RALYL: variants seen among roughly 807,000 people sequenced by gnomAD.
RALYL encodes RNA-binding Raly-like protein.
RALYL carries 29 observed loss-of-function variants against 35.1 expected under a neutral mutation model. The observed-to-expected ratio is 0.83, with a 90% CI of 0.61 to 1.13. The LOEUF is 1.13. RALYL is among the 50% of genes most tolerant of loss of function. The pLI is 0.00. For synonymous variants in RALYL, 120 were observed against 127.6 expected (o/e 0.94, Z 0.40); for missense variants, 359 against 360.4 (o/e 1.00, Z 0.03).
At chr8:84,728,473 G>T (rs565845753) in intron 2 of RALYL, among the ~76,000 whole-genome samples, 1 of 151,550 alleles carries the variant, frequency 6.6e-6, no homozygotes, top group African/African-American at 2.4e-5. Context: ...AAGCTCTTTA[G>T]TTTAATTAGA....
chr8:84,192,225 A>G (rs768254615), intron 1 of RALYL, among the ~76,000 whole-genome samples: 51 of 152,214 alleles, frequency 3.4e-4, no homozygotes, highest in Non-Finnish European at 5.4e-4. Context: ...CAGAGAAAGG[A>G]CCAGTTAAAC....
intron 1 of RALYL, among the ~76,000 whole-genome samples, chr8:84,490,132 G>A (rs1278477355): frequency 6.7e-6 from 1 of 149,778 alleles, no homozygotes; most frequent in Non-Finnish European, 1.5e-5. Flanking sequence ...GAGTGGGGAG[G>A]GAATAATTTT....
chr8:84,792,978 T>G (rs1265903563), intron 3 of RALYL, among the ~76,000 whole-genome samples: 2 of 152,168 alleles, frequency 1.3e-5, no homozygotes, highest in African/African-American at 2.4e-5. Flanking sequence ...CAGAGATGTC[T>G]CCAAGGTTTT....
At chr8:84,817,492 C>CTGAG (rs1827606468) in intron 4 of RALYL, among the ~76,000 whole-genome samples, 1 of 151,286 alleles carries the variant, frequency 6.6e-6, no homozygotes, top group South Asian at 2.1e-4. Context: ...TTTAACTTTC[C>CTGAG]TGAGTCTCCA....
chr8:84,918,123 A>G (rs1848761955), intron 8 of RALYL, among the ~76,000 whole-genome samples: 1 of 152,016 alleles, frequency 6.6e-6, no homozygotes, highest in South Asian at 2.1e-4. Context: ...GCTCCCTAAA[A>G]ATACAGATGA....
chr8:84,595,562 A>C (rs767686812), intron 2 of RALYL, among the ~76,000 whole-genome samples: 6 of 152,110 alleles, frequency 3.9e-5, no homozygotes, highest in Non-Finnish European at 8.8e-5. Flanking sequence ...TTAGTTTTTA[A>C]AAGTGTGAAT....
At chr8:84,322,222 C>T (rs73306962) in intron 1 of RALYL, among the ~76,000 whole-genome samples, 6,971 of 152,126 alleles carry the variant, frequency 0.046, 526 homozygotes, top group African/African-American at 0.15. Context: ...ACATTATTCT[C>T]AAGCTCACAT....
chr8:84,782,401 G>T (rs1357318598), intron 3 of RALYL, among the ~76,000 whole-genome samples: 1 of 152,156 alleles, frequency 6.6e-6, no homozygotes, highest in Non-Finnish European at 1.5e-5. Flanking sequence ...CTCTTTCTTT[G>T]AGGTAGGGAG....
chr8:84,314,850 T>C (rs1041228866), intron 1 of RALYL, among the ~76,000 whole-genome samples: 3 of 152,172 alleles, frequency 2.0e-5, no homozygotes, highest in Non-Finnish European at 2.9e-5. Context: ...TATAAATTGA[T>C]ATGAAAAAGA....
chr8:84,424,854 G>T, intron 1 of RALYL, among the ~76,000 whole-genome samples: 1 of 151,910 alleles, frequency 6.6e-6, no homozygotes. Context: ...CTCCCAGTTA[G>T]GCTGCTCGGG....
chr8:84,841,017 C>G (rs1388080207), intron 4 of RALYL, among the ~76,000 whole-genome samples: 4 of 152,176 alleles, frequency 2.6e-5, no homozygotes, highest in African/African-American at 9.7e-5. Flanking sequence ...AAAAACATGT[C>G]AAATTGTAAA....
intron 2 of RALYL, among the ~76,000 whole-genome samples, chr8:84,737,941 T>A (rs1202370795): frequency 6.6e-6 from 1 of 152,016 alleles, no homozygotes; most frequent in East Asian, 1.9e-4. Flanking sequence ...TTCTGTTGTT[T>A]ATGAGCCACC....
intron 1 of RALYL, among the ~76,000 whole-genome samples, chr8:84,449,082 T>TG (rs1030041984): frequency 4.5e-4 from 68 of 151,266 alleles, no homozygotes; most frequent in African/African-American, 7.0e-4. Flanking sequence ...TTTTTTGTTT[T>TG]TTTTTTTTTT....
At chr8:84,761,432 TTAAA>T (rs1487952624) in intron 2 of RALYL, among the ~76,000 whole-genome samples, 1 of 152,098 alleles carries the variant, frequency 6.6e-6, no homozygotes, top group Non-Finnish European at 1.5e-5. Flanking sequence ...TAATTACACT[TTAAA>T]TATGTTTATT....
At chr8:84,683,438 G>C (rs1417111279) in intron 2 of RALYL, among the ~76,000 whole-genome samples, 1 of 152,062 alleles carries the variant, frequency 6.6e-6, no homozygotes, top group East Asian at 1.9e-4. Flanking sequence ...TGTTGACAGT[G>C]GGGTGTTAAA....
chr8:84,200,871 A>C (rs1816675621), intron 1 of RALYL, among the ~76,000 whole-genome samples: 1 of 152,332 alleles, frequency 6.6e-6, no homozygotes, highest in Middle Eastern at 3.4e-3. Flanking sequence ...AACTATGAGT[A>C]TATTGTTTAC....
At chr8:84,855,281 G>A (rs1836737859) in intron 5 of RALYL, among the ~76,000 whole-genome samples, 1 of 151,898 alleles carries the variant, frequency 6.6e-6, no homozygotes, top group Non-Finnish European at 1.5e-5. Flanking sequence ...GCTAAGGGTA[G>A]GTCTGAAACC....
At chr8:84,545,075 T>C (rs1277517256) in intron 2 of RALYL, among the ~76,000 whole-genome samples, 3 of 152,152 alleles carry the variant, frequency 2.0e-5, no homozygotes, top group African/African-American at 7.2e-5. Context: ...ATGCAGTTTA[T>C]GTCTCTTATC....
intron 2 of RALYL, among the ~76,000 whole-genome samples, chr8:84,571,147 A>G (rs1207120197): frequency 6.6e-6 from 1 of 151,742 alleles, no homozygotes; most frequent in Non-Finnish European, 1.5e-5. Context: ...TTGATTTCTT[A>G]GAATAAGCTA....
Sources: gnomAD v4.1 joint callset for allele counts (sites outside exome capture counted in the v4.1 genomes callset) on GRCh38, gnomAD v4.1.1 for gene constraint, MANE v1.5 for transcripts, NCBI Gene and HGNC (gene_info 2026-07-23, HGNC 2026-07-21) for gene names.